The following PTPN14 variants were observed in gnomAD, a reference collection of about 807,000 sequenced individuals.
The protein encoded by PTPN14 is tyrosine-protein phosphatase non-receptor type 14.
PTPN14 carries 53 observed loss-of-function variants against 126.8 expected under a neutral mutation model. The observed-to-expected ratio is 0.42, with a 90% CI of 0.34 to 0.53. The LOEUF is 0.53. Ranked by LOEUF, PTPN14 falls within the 20% of genes least tolerant of loss-of-function variation. The pLI, the probability that PTPN14 is intolerant of heterozygous loss-of-function variation, is 0.08. For missense variants in PTPN14, 1,257 were observed against 1,552.9 expected (o/e 0.81, Z 3.20); for synonymous variants, 630 against 599.3 (o/e 1.05, Z -0.75).
At chr1:214,411,816 G>A in intron 4 of PTPN14, 65 bp from the exon 5 acceptor site, 1 of 1,002,696 alleles carries the variant, frequency 1.0e-6, no homozygotes, top group Non-Finnish European at 1.5e-6. Flanking sequence ...AATAAAATAG[G>A]GCAAACTCAT....
intron 5 of PTPN14, among the ~76,000 whole-genome samples, 180 bp from the exon 6 acceptor site, chr1:214,403,133 A>G (rs531588401): frequency 7.9e-5 from 12 of 152,320 alleles, no homozygotes; most frequent in African/African-American, 2.6e-4. Flanking sequence ...TTCTACTGTT[A>G]TAACACGGCT....
intron 1 of PTPN14, among the ~76,000 whole-genome samples, chr1:214,476,625 A>G (rs955254428): frequency 3.3e-5 from 5 of 152,172 alleles, no homozygotes; most frequent in Admixed American, 3.3e-4. Flanking sequence ...AGCATCCAGC[A>G]CTGAGCTTCC....
intron 10 of PTPN14, 73 bp from the exon 11 acceptor site, chr1:214,391,118 A>C (rs1658742776): frequency 8.4e-7 from 1 of 1,188,660 alleles, no homozygotes; most frequent in Non-Finnish European, 1.2e-6. Flanking sequence ...CAAGGGAAGG[A>C]GAGGAAGAGA....
At chr1:214,538,470 C>G (rs1016698027) in intron 1 of PTPN14, among the ~76,000 whole-genome samples, 2 of 152,160 alleles carry the variant, frequency 1.3e-5, no homozygotes, top group African/African-American at 2.4e-5. Flanking sequence ...ACATAAAGCT[C>G]TGCTGTATAA....
intron 15 of PTPN14, among the ~76,000 whole-genome samples, chr1:214,375,303 G>C (rs1417241120): frequency 6.6e-6 from 1 of 152,190 alleles, no homozygotes; most frequent in African/African-American, 2.4e-5. Flanking sequence ...CAGTTGAAAA[G>C]TCCAATGAGG....
rs929467988 is a variant in PTPN14, at chr1:214,351,990, A to T, written c.*5932T>A. 1 of 152,216 alleles carries T rather than the reference A, an allele frequency of 6.6e-6. No homozygotes were observed. The highest frequency in any genetic ancestry group is 2.4e-5 in the African/African-American group (1 of 41,444). The allele number at this position is 152,216 out of a possible 1,614,324, so 9.4% of individuals were successfully genotyped here. Reference sequence around the variant, plus strand: ...TTTATGGCACTTCTGGGAAAGAATGATCCTGATGGCCCAAAGTGTGGCAGA... The same window carrying T: ...TTTATGGCACTTCTGGGAAAGAATGTTCCTGATGGCCCAAAGTGTGGCAGA... On this transcript the variant is annotated 3_prime_UTR_variant, in exon 19 of 19. Coordinates refer to ENST00000366956, the MANE Select transcript of PTPN14 (RefSeq NM_005401.5).
intron 1 of PTPN14, among the ~76,000 whole-genome samples, chr1:214,491,472 G>A (rs905634541): frequency 2.6e-5 from 4 of 152,296 alleles, no homozygotes; most frequent in South Asian, 2.1e-4. Flanking sequence ...GAATAAAACC[G>A]TTGGACCTCA....
At chr1:214,378,762 T>A (rs1658404899) in intron 13 of PTPN14, among the ~76,000 whole-genome samples, 1 of 150,908 alleles carries the variant, frequency 6.6e-6, no homozygotes, top group Non-Finnish European at 1.5e-5. Flanking sequence ...TCCGCAGGCA[T>A]CACCCTCCAG....
intron 1 of PTPN14, among the ~76,000 whole-genome samples, chr1:214,482,321 C>T (rs1661008703): frequency 6.6e-6 from 1 of 151,932 alleles, no homozygotes; most frequent in Non-Finnish European, 1.5e-5. Flanking sequence ...CTTTAGAAGT[C>T]CAGTTACCTT....
chr1:214,386,877 C>T lies in PTPN14; in HGVS notation c.1033G>A (p.Gly345Ser), dbSNP rs1490394538. The change falls in exon 12 of 19, where the codon GGT becomes AGT. Residue 345 changes from glycine (G) to serine (S), a missense_variant. Gly to Ser is a moderately conservative substitution (Grantham distance 56, BLOSUM62 0). Coordinates refer to ENST00000366956, the MANE Select transcript of PTPN14 (RefSeq NM_005401.5). ...YILPPVHVQCGEHYSETHTSQ... is the reference protein window; with the variant it reads ...YILPPVHVQCSEHYSETHTSQ... Reference sequence around the variant, plus strand: ...GTGTGCGTTTCCGAGTAGTGCTCACCACACTGGACGTGAACGGGAGGCAGG... The same window carrying T: ...GTGTGCGTTTCCGAGTAGTGCTCACTACACTGGACGTGAACGGGAGGCAGG... 2.5e-6 allele frequency: 4 copies of T among 1,609,276 alleles called. No individual in the cohort carries two copies. Among genetic ancestry groups the T allele is most frequent in the South Asian group, 1.1e-5 (1 of 90,830 alleles).
intron 1 of PTPN14, among the ~76,000 whole-genome samples, chr1:214,550,880 A>C (rs1220410680): frequency 6.6e-6 from 1 of 152,166 alleles, no homozygotes; most frequent in Non-Finnish European, 1.5e-5. Flanking sequence ...TCTCGTTCCC[A>C]AAACGCAGAA....
At chr1:214,482,850 C>T (rs1238747935) in intron 1 of PTPN14, 13 of 1,604,154 alleles carry the variant, frequency 8.1e-6, no homozygotes, top group Non-Finnish European at 1.0e-5. Flanking sequence ...ACTGATGTCA[C>T]CAATGTTAAT....
At position 214,383,327 on chromosome 1, in the gene PTPN14, C is replaced by G. The variant is rs1374318617; in HGVS notation, c.2528G>C (p.Arg843Thr). The change falls in exon 13 of 19, where the codon AGA becomes ACA. Residue 843 changes from arginine (R) to threonine (T), a missense_variant. By Grantham distance (71) the Arg-to-Thr change is moderately conservative. Coordinates refer to ENST00000366956, the MANE Select transcript of PTPN14 (RefSeq NM_005401.5). The surrounding 1 kb of genome is among the most constrained non-coding windows in gnomAD (Gnocchi z 4.4). ...MFSLEDSIIE[R>T]EMMIRNLEKQ... ...GACACTCACCCTGATCATCATCTCT[C>G]TCTCTATAATGCTGTCTTCCAGGGA... 1 of 1,611,546 alleles carries G rather than the reference C, an allele frequency of 6.2e-7. No individual in the cohort carries two copies. The highest frequency in any genetic ancestry group is 8.5e-7 in the Non-Finnish European group (1 of 1,177,842).
At chr1:214,517,997 G>T (rs1267031135) in intron 1 of PTPN14, among the ~76,000 whole-genome samples, 1 of 151,896 alleles carries the variant, frequency 6.6e-6, no homozygotes, top group African/African-American at 2.4e-5. Flanking sequence ...TCTAAAGAAG[G>T]TACTTAAAAT....
chr1:214,519,220 G>A (rs1293332677), intron 1 of PTPN14, among the ~76,000 whole-genome samples: 1 of 152,158 alleles, frequency 6.6e-6, no homozygotes, highest in Non-Finnish European at 1.5e-5. Flanking sequence ...AGTGAGCTGA[G>A]ATCATGACAC....
At chr1:214,504,036 G>A (rs191936689) in intron 1 of PTPN14, among the ~76,000 whole-genome samples, 1 of 152,250 alleles carries the variant, frequency 6.6e-6, no homozygotes, top group East Asian at 1.9e-4. Context: ...TGTAGAACCA[G>A]AGAATGGTCA....
chr1:214,376,249 G>T lies in PTPN14; in HGVS notation c.2877C>A (p.Asn959Lys), dbSNP rs1438568948. The T allele has an allele frequency of 4.3e-6, 7 of 1,614,070 alleles. No individual in the cohort carries two copies. The South Asian group carries it at 7.7e-5, about 18-fold the overall frequency. ...TGTGGGAGGCATTAATGTATCCTGT[G>T]TTATTTTCTTTGGTTGGTATCAGCT... ...RVELIPTKEN[N>K]TGYINASHIK... Residue 959 changes from asparagine (N) to lysine (K), a missense_variant, in exon 15 of 19, where the codon AAC (asparagine) becomes AAA (lysine). Transcript: ENST00000366956.
chr1:214,454,072 T>G (rs1258713168), intron 2 of PTPN14, among the ~76,000 whole-genome samples: 2 of 152,298 alleles, frequency 1.3e-5, no homozygotes, highest in East Asian at 1.9e-4. Flanking sequence ...ATGAGGGTAT[T>G]CCACGGTATT....
intron 1 of PTPN14, among the ~76,000 whole-genome samples, chr1:214,549,066 A>G (rs1036571573): frequency 3.3e-5 from 5 of 152,180 alleles, no homozygotes; most frequent in Non-Finnish European, 4.4e-5. Context: ...AGATAAGAAA[A>G]GATGCTGGTA....
Sources: gnomAD v4.1 joint callset for allele counts (sites outside exome capture counted in the v4.1 genomes callset) on GRCh38, gnomAD v4.1.1 for gene constraint, Gnocchi (gnomAD v3.1) non-coding constraint, MANE v1.5 for transcripts, NCBI Gene and HGNC (gene_info 2026-07-23, HGNC 2026-07-21) for gene names.